Variants in IGF2R observed in about 807,000 individuals in gnomAD.
IGF2R encodes cation-independent mannose-6-phosphate receptor.
Under a neutral mutation model 270.6 loss-of-function variants are expected in IGF2R, and 91 were observed. The observed-to-expected ratio is 0.34, with a 90% confidence interval of 0.28 to 0.40. The LOEUF (loss-of-function observed/expected upper bound fraction) is 0.40, where lower values mean the gene tolerates loss of function less well. Among genes scored for constraint, IGF2R ranks in the 10% least tolerant of loss-of-function variants. The pLI is 1.00. For missense variants in IGF2R, 2,805 were observed against 3,188.3 expected (o/e 0.88, Z 2.90); for synonymous variants, 1,316 against 1,258.9 (o/e 1.05, Z -0.96).
At chr6:160,090,612 C>T (rs1779199066) in intron 44 of IGF2R, among the ~76,000 whole-genome samples, 1 of 152,166 alleles carries the variant, frequency 6.6e-6, no homozygotes, top group South Asian at 2.1e-4. Flanking sequence ...AGGGTGTTGC[C>T]CTTTGTTCCC....
rs367658101 is a variant in IGF2R at position 160,104,093 on chromosome 6, AACAC to A, written c.7065+290_7065+293del. 5.9e-5 allele frequency among the ~76,000 whole-genome samples: 9 copies of A among 151,898 alleles called. No individual in the cohort carries two copies. In the South Asian group the frequency reaches 6.2e-4, roughly 11 times the overall value. The stretch of plus-strand genomic sequence containing the variant: ...TGGCTGTTCTTTAAAAAAAAAACAA[AACAC>A]ACACACACACAGTAGTGAAGATAGT... On this transcript the variant is annotated intron_variant, in intron 47 of 47. Transcript: ENST00000356956.
intron 22 of IGF2R, 25 bp from the exon 23 acceptor site, chr6:160,060,522 A>G: frequency 1.2e-6 from 2 of 1,613,120 alleles, no homozygotes; most frequent in Non-Finnish European, 1.7e-6. Context: ...CTGTCTCTTA[A>G]AATCTGGGCC....
At chr6:160,067,040 G>A (rs1003567260) in intron 29 of IGF2R, among the ~76,000 whole-genome samples, 1 of 152,126 alleles carries the variant, frequency 6.6e-6, no homozygotes, top group Non-Finnish European at 1.5e-5. Context: ...CCACCATGTC[G>A]CTCTTGCTGA....
intron 29 of IGF2R, among the ~76,000 whole-genome samples, chr6:160,067,069 C>T (rs923957046): frequency 2.6e-5 from 4 of 152,168 alleles, no homozygotes; most frequent in Admixed American, 6.5e-5. Context: ...ATGCAGTGAG[C>T]GCCCATCTCA....
In IGF2R at chr6:160,041,996, CT is replaced by C. The variant is rs3839347; in HGVS notation, c.1481-1140del. 9.2e-4 allele frequency among the ~76,000 whole-genome samples: 137 copies of C among 148,398 alleles called. 2 individuals carry two copies. Among genetic ancestry groups the C allele is most frequent in the African/African-American group, 2.9e-3 (119 of 40,410 alleles). ...GGTGCTGTTAGATTCCTTAAGTTAA[CT>C]TTTTTTTTTTTAAACATTACTGTGT... On this transcript the variant is annotated intron_variant, in intron 11 of 47. Transcript: ENST00000356956.
At chr6:160,092,745 C>A (rs1008157780) in intron 44 of IGF2R, among the ~76,000 whole-genome samples, 1 of 152,208 alleles carries the variant, frequency 6.6e-6, no homozygotes, top group African/African-American at 2.4e-5. Flanking sequence ...ATGTGGGGCC[C>A]TCCCGGAGCG....
intron 6 of IGF2R, 129 bp downstream of exon 6, chr6:160,027,443 T>G: frequency 9.6e-7 from 1 of 1,041,434 alleles, no homozygotes. Flanking sequence ...GCTTCACATG[T>G]ACTTGTAAGA....
chr6:160,094,203 ATTTC>A (rs1405160088), intron 44 of IGF2R: 1 of 349,794 alleles, frequency 2.9e-6, no homozygotes, highest in Non-Finnish European at 5.6e-6. Context: ...CACCCAGTCT[ATTTC>A]TTCTCAGTAT....
At chr6:159,982,511 A>G (rs772329664) in intron 1 of IGF2R, among the ~76,000 whole-genome samples, 11 of 152,210 alleles carry the variant, frequency 7.2e-5, no homozygotes, top group Middle Eastern at 3.2e-3. Context: ...GCTAGTGACC[A>G]TGTATCTTGT....
At chr6:160,010,297 C>T (rs989602192) in intron 3 of IGF2R, 1 of 169,396 alleles carries the variant, frequency 5.9e-6, no homozygotes, top group African/African-American at 2.4e-5. Context: ...CAGATGGGCT[C>T]CTCATGGGAG....
At chr6:159,984,829 G>T (rs1023741580) in intron 1 of IGF2R, among the ~76,000 whole-genome samples, 1 of 152,178 alleles carries the variant, frequency 6.6e-6, no homozygotes, top group Non-Finnish European at 1.5e-5. Flanking sequence ...CTTGCAGTCT[G>T]AAAATATGAA....
chr6:160,078,159 A>G (rs956315362), intron 36 of IGF2R, 42 bp from the exon 37 acceptor site: 6 of 1,605,402 alleles, frequency 3.7e-6, no homozygotes, highest in Non-Finnish European at 5.1e-6. Context: ...ATCTATCCCT[A>G]TGCCATGGGG....
rs1360194020 is a variant in IGF2R at position 160,079,850 on chromosome 6, C to T, written c.5686+63C>T. 8.7e-6 allele frequency: 12 copies of T among 1,386,298 alleles called. No homozygotes were observed. The African/African-American group carries it at 1.0e-4, about 12-fold the overall frequency. The allele number at this position is 1,386,298 out of a possible 1,614,324, so 85.9% of individuals were successfully genotyped here. A position where few individuals can be genotyped will look rare whatever the true frequency, so the allele number is the denominator to read the frequency against. On this transcript the variant is annotated intron_variant, in intron 38 of 47. Coordinates refer to ENST00000356956, the MANE Select transcript of IGF2R (RefSeq NM_000876.4). ...ATAGTAAACTAGAAATTAGACATAG[C>T]AGCAGAAAGAAGCTGCGGAGTGGAG... is the stretch of plus-strand genomic sequence containing the variant.
chr6:160,007,379 G>A (rs1784260309), intron 2 of IGF2R: 1 of 152,232 alleles, frequency 6.6e-6, no homozygotes, highest in Non-Finnish European at 1.5e-5. Flanking sequence ...CCTCATGGCT[G>A]ACACTTGGTA....
rs1779155474 is a variant in IGF2R at position 160,088,970 on chromosome 6, G to A, written c.6321-137G>A. On this transcript the variant is annotated intron_variant, in intron 42 of 47. Coordinates refer to ENST00000356956, the MANE Select transcript of IGF2R (RefSeq NM_000876.4). Reference sequence around the variant, plus strand: ...GCAGCCCGGGGAGTGGGGGCCTCGGGACCCAACTGAAGTCTCGCAGCACCT... The same window carrying A: ...GCAGCCCGGGGAGTGGGGGCCTCGGAACCCAACTGAAGTCTCGCAGCACCT... 3 of 821,878 alleles carry A rather than the reference G, an allele frequency of 3.7e-6. No homozygotes were observed. In the East Asian group the frequency reaches 8.9e-5, roughly 24 times the overall value. The allele number at this position is 821,878 out of a possible 1,614,324, so 50.9% of individuals were successfully genotyped here.
intron 41 of IGF2R, among the ~76,000 whole-genome samples, chr6:160,087,734 A>T (rs908701924): frequency 6.6e-6 from 1 of 152,128 alleles, no homozygotes; most frequent in African/African-American, 2.4e-5. Context: ...CAATGGCGCC[A>T]TCTCGATCTT....
At position 160,046,617 on chromosome 6, in the gene IGF2R, G is replaced by C. The variant is rs147174872; in HGVS notation, c.2023G>C (p.Asp675His). Residue 675 changes from aspartate to histidine, a missense_variant, in exon 15 of 48, where the codon GAC becomes CAC. Transcript: ENST00000356956. The part of the protein sequence containing the change: ...GPVSVSPCQP[D>H]SGACQVAKSD... The stretch of plus-strand genomic sequence containing the variant: ...GGTGTCTGTGAGCCCCTGTCAGCCA[G>C]ACTCAGGAGCCTGCCAGGTGGCAAA... 1.1e-5 allele frequency: 17 copies of C among 1,612,786 alleles called. No homozygotes were observed. In the African/African-American group the frequency reaches 1.7e-4, roughly 16 times the overall value.
intron 7 of IGF2R, among the ~76,000 whole-genome samples, chr6:160,030,283 G>A (rs1245560672): frequency 6.6e-6 from 1 of 152,224 alleles, no homozygotes; most frequent in African/African-American, 2.4e-5. Context: ...CCCAGGGAGG[G>A]AGGGGTAGGG....
intron 13 of IGF2R, 101 bp downstream of exon 13, chr6:160,044,758 C>T: frequency 1.1e-6 from 1 of 929,270 alleles, no homozygotes; most frequent in South Asian, 1.7e-5. Flanking sequence ...GCTGATCAGA[C>T]AGATTGGCAT....
Sources: allele counts gnomAD v4.1 joint callset (sites outside exome capture counted in the v4.1 genomes callset), GRCh38; gene constraint gnomAD v4.1.1; transcripts MANE v1.5; gene names NCBI Gene and HGNC (gene_info 2026-07-23, HGNC 2026-07-21).